Variants in HEG1 observed in about 807,000 individuals in gnomAD.
The protein encoded by HEG1 is heart development protein with EGF like domains 1, also known as protein HEG homolog 1.
A neutral mutation model predicts 125.6 loss-of-function variants in HEG1; 56 were observed. The observed-to-expected ratio is 0.45, with a 90% CI of 0.36 to 0.56. The LOEUF is 0.56. Among genes scored for constraint, HEG1 ranks in the 20% least tolerant of loss-of-function variants. The pLI, the probability that HEG1 is intolerant of heterozygous loss-of-function variation, is 0.00. For synonymous variants in HEG1, 644 were observed against 668.5 expected, an observed-to-expected ratio of 0.96 and a Z score of 0.57; for missense variants, 1,523 against 1,670.0, an observed-to-expected ratio of 0.91 and a Z score of 1.53.
chr3:124,978,020 T>C, intron 14 of HEG1, 74 bp from the exon 15 acceptor site: 2 of 1,113,762 alleles, frequency 1.8e-6, no homozygotes, highest in Non-Finnish European at 2.6e-6. Flanking sequence ...AAGAATGGTC[T>C]CCCCTGACTC....
intron 16 of HEG1, chr3:124,971,010 C>T: frequency 3.2e-6 from 2 of 622,814 alleles, no homozygotes; most frequent in Non-Finnish European, 5.8e-6. Context: ...AGCAACCATG[C>T]AGAAGGCAAC....
intron 3 of HEG1, 52 bp downstream of exon 3, chr3:125,027,153 T>C: frequency 1.4e-6 from 2 of 1,459,610 alleles, no homozygotes; most frequent in Non-Finnish European, 1.8e-6. Flanking sequence ...CACATTGATT[T>C]ATGTCTACTT....
chr3:125,027,860 C>T (rs941573214), intron 2 of HEG1, among the ~76,000 whole-genome samples: 12 of 152,194 alleles, frequency 7.9e-5, no homozygotes, highest in Admixed American at 7.2e-4. Context: ...AACAAAATTC[C>T]TAATATCTGG....
chr3:125,030,669 G>A (rs1937487036), intron 1 of HEG1, among the ~76,000 whole-genome samples: 1 of 152,198 alleles, frequency 6.6e-6, no homozygotes, highest in African/African-American at 2.4e-5. Context: ...GCAGACGTAG[G>A]TGCCTGATGT....
intron 15 of HEG1, 93 bp from the exon 16 acceptor site, chr3:124,973,998 GA>G (rs1936491799): frequency 1.2e-6 from 1 of 814,540 alleles, no homozygotes; most frequent in Admixed American, 2.8e-5. Flanking sequence ...AAATTCAACT[GA>G]AAGCTACCAT....
chr3:124,975,931 T>C (rs949888854), intron 15 of HEG1, among the ~76,000 whole-genome samples: 1 of 152,252 alleles, frequency 6.6e-6, no homozygotes, highest in African/African-American at 2.4e-5. Flanking sequence ...TGACAAACAT[T>C]GGTAGAGTTT....
intron 3 of HEG1, among the ~76,000 whole-genome samples, chr3:125,026,857 G>A (rs1231956311): frequency 3.3e-5 from 5 of 152,054 alleles, no homozygotes; most frequent in South Asian, 2.1e-4. Flanking sequence ...AAAATTAGCC[G>A]GGCATGGTGA....
intron 5 of HEG1, among the ~76,000 whole-genome samples, chr3:125,015,296 T>C (rs1937228437): frequency 6.6e-6 from 1 of 152,114 alleles, no homozygotes; most frequent in South Asian, 2.1e-4. Context: ...ACATAATAAA[T>C]AGAGTTTATG....
chr3:125,007,370 T>A (rs1000203711), intron 8 of HEG1, among the ~76,000 whole-genome samples: 14 of 152,150 alleles, frequency 9.2e-5, no homozygotes, highest in African/African-American at 3.4e-4. Flanking sequence ...TGTTTTTTTT[T>A]AAAGACACTT....
chr3:125,047,545 C>T (rs926383414), intron 1 of HEG1, among the ~76,000 whole-genome samples: 4 of 151,722 alleles, frequency 2.6e-5, no homozygotes, highest in Non-Finnish European at 5.9e-5. Flanking sequence ...TCTGTGACTG[C>T]AACACCAGCA....
chr3:124,991,029 C>T (rs1936824916), intron 12 of HEG1, 43 bp from the exon 13 acceptor site: 5 of 1,446,962 alleles, frequency 3.5e-6, no homozygotes, highest in Non-Finnish European at 4.7e-6. Flanking sequence ...CTATTTACCT[C>T]TCCCAAACTC....
rs1936383854 is a variant in HEG1, at chr3:124,969,369, T to C, written c.*1283A>G. 6.6e-6 allele frequency: 1 copy of C among 152,134 alleles called. No individual in the cohort carries two copies. The highest frequency in any genetic ancestry group is 2.4e-5 in the African/African-American group (1 of 41,410). 9.4% of individuals were successfully genotyped at this position (152,134 alleles called of 1,614,324 possible). A position where few individuals can be genotyped will look rare whatever the true frequency, so the allele number is the denominator to read the frequency against. On this transcript the variant is annotated 3_prime_UTR_variant, in exon 17 of 17. Coordinates refer to ENST00000311127, the MANE Select transcript of HEG1 (RefSeq NM_020733.2). ...CCTCAGTTCCTCGACCAACCGGAAG[T>C]CTTCAGTTCTCCCACACTGACTGGA... is the stretch of plus-strand genomic sequence containing the variant.
intron 14 of HEG1, among the ~76,000 whole-genome samples, chr3:124,983,391 T>C (rs1229667728): frequency 2.7e-5 from 4 of 149,928 alleles, no homozygotes; most frequent in Non-Finnish European, 1.5e-5. Flanking sequence ...GGCTGCAGTG[T>C]AGTGGCATGA....
intron 16 of HEG1, 70 bp from the exon 17 acceptor site, chr3:124,970,871 C>T: frequency 7.6e-7 from 1 of 1,317,048 alleles, no homozygotes. Context: ...TGTTAAATCC[C>T]AATGATTTTA....
chr3:125,019,675 T>C, intron 4 of HEG1, 78 bp from the exon 5 acceptor site: 1 of 1,131,376 alleles, frequency 8.8e-7, no homozygotes. Context: ...GTGAGACCTC[T>C]CTAGGGAAAG....
chr3:125,036,992 G>A (rs1026786495), intron 1 of HEG1, among the ~76,000 whole-genome samples: 2 of 152,272 alleles, frequency 1.3e-5, no homozygotes, highest in South Asian at 4.2e-4. Flanking sequence ...GCAAAGTTTC[G>A]GGTATAAGGA....
chr3:125,015,780 C>T (rs958420333), intron 5 of HEG1, among the ~76,000 whole-genome samples: 3 of 151,628 alleles, frequency 2.0e-5, no homozygotes, highest in Non-Finnish European at 2.9e-5. Context: ...CCTAATCTGG[C>T]TGTACAAAAA....
intron 15 of HEG1, among the ~76,000 whole-genome samples, chr3:124,974,848 T>A (rs973609360): frequency 1.3e-5 from 2 of 152,326 alleles, no homozygotes; most frequent in South Asian, 4.1e-4. Context: ...TTTGTGGAAG[T>A]TGGGAACAGA....
At position 125,022,010 on chromosome 3, in the gene HEG1, C is replaced by T. The variant is rs543702025; in HGVS notation, c.914-880G>A. Among the ~76,000 whole-genome samples the T allele has an allele frequency of 8.8e-4, 134 of 152,236 alleles. 1 individual carries two copies. Among genetic ancestry groups the T allele is most frequent in the African/African-American group, 2.9e-3 (122 of 41,526 alleles). On this transcript the variant is annotated intron_variant, in intron 3 of 16. Transcript: ENST00000311127. ...CAAGAGCCTCAAGGAGTGAATCAGA[C>T]GCTATTGGTCAAAAGGTGTAGTCTG...
Sources: allele counts gnomAD v4.1 joint callset (sites outside exome capture counted in the v4.1 genomes callset), GRCh38; gene constraint gnomAD v4.1.1; transcripts MANE v1.5; gene names NCBI Gene and HGNC (gene_info 2026-07-23, HGNC 2026-07-21).